DENND2C: variants seen among roughly 807,000 people sequenced by gnomAD.
The protein encoded by DENND2C is DENN domain containing 2C.
In DENND2C, 72 loss-of-function variants were observed where a neutral mutation model predicts 112.4. The observed-to-expected ratio is 0.64, with a 90% CI of 0.53 to 0.78. The LOEUF (loss-of-function observed/expected upper bound fraction) is 0.78, where lower values mean the gene tolerates loss of function less well. Ranked by LOEUF, DENND2C falls within the 30% of genes least tolerant of loss-of-function variation. DENND2C has a pLI of 0.00. For synonymous variants in DENND2C, 329 were observed against 381.6 expected (o/e 0.86, Z 1.61); for missense variants, 992 against 1,113.8 (o/e 0.89, Z 1.56).
At chr1:114,591,312 T>C (rs1655184469) in intron 18 of DENND2C, among the ~76,000 whole-genome samples, 1 of 152,134 alleles carries the variant, frequency 6.6e-6, no homozygotes, top group African/African-American at 2.4e-5. Context: ...AAAAATGGTA[T>C]TGCATTGTGG....
At chr1:114,635,775 G>A (rs1437567058) in intron 3 of DENND2C, among the ~76,000 whole-genome samples, 2 of 152,196 alleles carry the variant, frequency 1.3e-5, no homozygotes, top group Non-Finnish European at 2.9e-5. Flanking sequence ...GGGAGGCTGA[G>A]GAGGGCAGAT....
At chr1:114,636,741 A>G (rs1656668159) in intron 3 of DENND2C, among the ~76,000 whole-genome samples, 1 of 151,158 alleles carries the variant, frequency 6.6e-6, no homozygotes, top group Non-Finnish European at 1.5e-5. Flanking sequence ...TTGTAAAAGA[A>G]GTAAAGCTGT....
intron 19 of DENND2C, 68 bp downstream of exon 19, chr1:114,587,648 T>C: frequency 6.9e-7 from 1 of 1,458,454 alleles, no homozygotes; most frequent in Non-Finnish European, 9.3e-7. Context: ...TACTTTTTAT[T>C]CATAATATAG....
Position 114,600,302 on chromosome 1 carries a change from A to T in DENND2C, c.2007T>A (p.Phe669Leu), listed in dbSNP as rs772675009. ...CACTCAGGCACTTAAAGAGACATTT[A>T]AAATCAACATGTTCCAATCGGGAAT... ...PLDSRLEHVD[F>L]KCLFKCLSVC... is the part of the protein sequence containing the mutation. The change falls in exon 15 of 21, where the codon TTT (phenylalanine) becomes TTA (leucine). Residue 669 changes from phenylalanine (F) to leucine (L), a missense_variant. Phe to Leu is a conservative substitution (Grantham distance 22). This residue lies in a region of DENND2C where 516 missense variants were observed against 623.6 expected (regional missense o/e 0.83). Transcript: ENST00000393274. The T allele has an allele frequency of 1.2e-6, 2 of 1,614,190 alleles. No homozygotes were observed. The highest frequency in any genetic ancestry group is 1.7e-6 in the Non-Finnish European group (2 of 1,180,028).
chr1:114,602,089 G>C, intron 12 of DENND2C, 36 bp downstream of exon 12: 6 of 1,608,874 alleles, frequency 3.7e-6, no homozygotes, highest in Non-Finnish European at 5.1e-6. Flanking sequence ...ATTATTCCTT[G>C]ACCAACCCTG....
chr1:114,592,218 C>T (rs778329790), intron 18 of DENND2C, among the ~76,000 whole-genome samples: 2 of 152,032 alleles, frequency 1.3e-5, no homozygotes, highest in Admixed American at 6.6e-5. Context: ...CATCCTTTTT[C>T]CACTGATACA....
At chr1:114,635,146 T>C (rs1354538574) in intron 3 of DENND2C, among the ~76,000 whole-genome samples, 1 of 152,182 alleles carries the variant, frequency 6.6e-6, no homozygotes, top group Non-Finnish European at 1.5e-5. Flanking sequence ...AACATTTGTT[T>C]AAATTGTCCC....
At chr1:114,598,341 T>A (rs1409711709) in intron 16 of DENND2C, among the ~76,000 whole-genome samples, 4 of 152,176 alleles carry the variant, frequency 2.6e-5, no homozygotes, top group African/African-American at 7.2e-5. Context: ...CTTACAGATA[T>A]AATGTTGAGA....
At chr1:114,654,878 C>T (rs971461218) in intron 1 of DENND2C, 117 bp from the exon 2 acceptor site, 1 of 152,194 alleles carries the variant, frequency 6.6e-6, no homozygotes, top group South Asian at 2.1e-4. Flanking sequence ...AAGATCACTT[C>T]ATAGTTCACA....
chr1:114,628,573 C>G (rs1369427523), intron 3 of DENND2C, among the ~76,000 whole-genome samples: 1 of 152,216 alleles, frequency 6.6e-6, no homozygotes, highest in Non-Finnish European at 1.5e-5. Context: ...AGATCTATGA[C>G]TGTTACTGAT....
chr1:114,637,272 G>A (rs1369601755), intron 3 of DENND2C, among the ~76,000 whole-genome samples: 2 of 150,714 alleles, frequency 1.3e-5, no homozygotes, highest in Non-Finnish European at 3.0e-5. Context: ...AGGAGGCTGA[G>A]GCACAGGAAT....
chr1:114,635,039 A>AAG (rs1254867764), intron 3 of DENND2C, among the ~76,000 whole-genome samples: 1 of 150,064 alleles, frequency 6.7e-6, no homozygotes, highest in Non-Finnish European at 1.5e-5. Context: ...AAAAAAAAAA[A>AAG]AAAAAGAAAA....
Position 114,670,021 on chromosome 1 carries a change from G to A in DENND2C, c.-612C>T, listed in dbSNP as rs2101706405. The A allele has an allele frequency of 6.5e-6, 1 of 152,788 alleles. No individual in the cohort carries two copies. The highest frequency in any genetic ancestry group is 2.1e-4 in the South Asian group (1 of 4,832). The allele number at this position is 152,788 out of a possible 1,614,324, so 9.5% of individuals were successfully genotyped here. On this transcript the variant is annotated 5_prime_UTR_variant, in exon 1 of 21. Transcript: ENST00000393274. ...AACGTTGTCTCCTGTGGCCAAGCTA[G>A]TCTCCCGGGTATCACTCGGGTCCGC...
chr1:114,625,277 T>A lies in DENND2C; in HGVS notation c.708A>T (p.Lys236Asn). 6.2e-7 allele frequency: 1 copy of A among 1,614,194 alleles called. No individual in the cohort carries two copies. Among genetic ancestry groups the A allele is most frequent in the South Asian group, 1.1e-5 (1 of 91,078 alleles). ...GTGCACAAGAGTTATTTTCACAGTA[T>A]TTTTTGTCACAGTTTCTTTCTTTAT... is the stretch of plus-strand genomic sequence containing the variant. ...TPYKERNCDK[K>N]YCENNSCAQS... The change falls in exon 4 of 21, where the codon AAA (lysine) becomes AAT (asparagine). Residue 236 changes from lysine to asparagine, a missense_variant. This residue lies in a region of DENND2C where 470 missense variants were observed against 472.7 expected (regional missense o/e 0.99). Transcript: ENST00000393274.
In DENND2C at chr1:114,600,319, A is replaced by T. The variant is rs1465313481; in HGVS notation, c.1990T>A (p.Leu664Met). ...AGACATTTAAAATCAACATGTTCCAATCGGGAATCTAGTGGTCGGCAGAGT... is the reference window on the plus strand; with the variant it reads ...AGACATTTAAAATCAACATGTTCCATTCGGGAATCTAGTGGTCGGCAGAGT... The part of the protein sequence containing the change: ...IELCRPLDSR[L>M]EHVDFKCLFK... The change falls in exon 15 of 21, where the codon TTG (leucine) becomes ATG (methionine). Residue 664 changes from leucine (L) to methionine (M), a missense_variant. By Grantham distance (15) the Leu-to-Met change is conservative (BLOSUM62 2). Transcript: ENST00000393274. 6.2e-7 allele frequency: 1 copy of T among 1,613,992 alleles called. No individual in the cohort carries two copies. Among genetic ancestry groups the T allele is most frequent in the Non-Finnish European group, 8.5e-7 (1 of 1,179,994 alleles).
At chr1:114,606,896 TG>T (rs34121008) in intron 10 of DENND2C, among the ~76,000 whole-genome samples, 2 of 152,290 alleles carry the variant, frequency 1.3e-5, no homozygotes, top group African/African-American at 4.8e-5. Flanking sequence ...CCCCTTCCCA[TG>T]GGGGCCACCA....
At chr1:114,655,043 A>G (rs1657270817) in intron 1 of DENND2C, among the ~76,000 whole-genome samples, 2 of 152,234 alleles carry the variant, frequency 1.3e-5, no homozygotes, top group South Asian at 4.1e-4. Context: ...AGGCTGGGAA[A>G]TATAATCTTT....
intron 2 of DENND2C, among the ~76,000 whole-genome samples, chr1:114,654,116 G>C (rs1657243203): frequency 6.6e-6 from 1 of 152,034 alleles, no homozygotes; most frequent in Admixed American, 6.6e-5. Flanking sequence ...TTTTCTTTTG[G>C]TTTATCTGTA....
chr1:114,625,775 G>A lies in DENND2C; in HGVS notation c.210C>T (p.Asn70=), dbSNP rs1656323965. The change falls in exon 4 of 21, where the codon AAC becomes AAT. Residue 70 remains asparagine (N), a synonymous_variant. Transcript: ENST00000393274. ...KNPIAERKSK[N]LDVTSRENVG... is the part of the protein sequence containing the mutation. ...CATTTTCACGGCTGGTTACATCCAA[G>A]TTTTTGCTCTTTCTCTCAGCTATAG... 3 of 1,614,068 alleles carry A rather than the reference G, an allele frequency of 1.9e-6. No individual in the cohort carries two copies. Among genetic ancestry groups the A allele is most frequent in the South Asian group, 1.1e-5 (1 of 91,078 alleles).
Sources: allele counts gnomAD v4.1 joint callset (sites outside exome capture counted in the v4.1 genomes callset), GRCh38; gene constraint gnomAD v4.1.1; regional missense constraint gnomAD v4.1.1; transcripts MANE v1.5; gene names NCBI Gene and HGNC (gene_info 2026-07-23, HGNC 2026-07-21).